Variants in GTF2I observed in about 807,000 individuals in gnomAD.
GTF2I encodes general transcription factor II-I.
A neutral mutation model predicts 67.6 loss-of-function variants in GTF2I; 12 were observed. The observed-to-expected ratio is 0.18, with a 90% CI of 0.11 to 0.29. GTF2I has a LOEUF of 0.29. Among genes scored for constraint, GTF2I ranks in the 10% least tolerant of loss-of-function variants. The pLI is 1.00. For missense variants in GTF2I, 271 were observed against 580.1 expected (o/e 0.47, Z 5.47); for synonymous variants, 149 against 197.0 (o/e 0.76, Z 2.04).
intron 8 of GTF2I, among the ~76,000 whole-genome samples, chr7:74,707,047 G>C (rs1214089522): frequency 6.6e-6 from 1 of 151,994 alleles, no homozygotes; most frequent in Non-Finnish European, 1.5e-5. Flanking sequence ...ACGGGGTTTC[G>C]CCAGGTTGGC....
rs374478363 is a variant in GTF2I, at chr7:74,717,748, AC to A, written c.880+799del. Among the ~76,000 whole-genome samples, 29 of 152,320 alleles carry A rather than the reference AC, an allele frequency of 1.9e-4. No individual in the cohort carries two copies. The East Asian group carries it at 2.9e-3, about 15-fold the overall frequency. On this transcript the variant is annotated intron_variant, in intron 11 of 34. Transcript: ENST00000573035. ...ACATTTTTATTTTAATTAAAAAAAA[AC>A]ATTTGTTTGATCTTTTACCTTCTTT...
At chr7:74,680,099 A>AAATAT in intron 1 of GTF2I, among the ~76,000 whole-genome samples, 3 of 94,982 alleles carry the variant, frequency 3.2e-5, no homozygotes, top group African/African-American at 1.2e-4. Flanking sequence ...AAAAAAAAAA[A>AAATAT]ATATATATAT....
intron 3 of GTF2I, among the ~76,000 whole-genome samples, chr7:74,692,577 A>G (rs587673948): frequency 1.1e-4 from 16 of 152,306 alleles, no homozygotes; most frequent in African/African-American, 3.8e-4. Context: ...GAAATTTACT[A>G]TAGGGTTTTA....
At chr7:74,697,054 A>G (rs1005665687) in intron 3 of GTF2I, among the ~76,000 whole-genome samples, 5 of 152,210 alleles carry the variant, frequency 3.3e-5, no homozygotes, top group Admixed American at 6.5e-5. Context: ...TTTTACTGGT[A>G]ATACTTTAAC....
intron 3 of GTF2I, among the ~76,000 whole-genome samples, chr7:74,693,105 G>A (rs1788500460): frequency 6.6e-6 from 1 of 151,830 alleles, no homozygotes; most frequent in South Asian, 2.1e-4. Flanking sequence ...AGACACTGCA[G>A]TTTTCACACA....
intron 3 of GTF2I, among the ~76,000 whole-genome samples, chr7:74,693,265 ATTTTTTTTTTT>A (rs1158949751): frequency 3.6e-5 from 3 of 83,020 alleles, no homozygotes; most frequent in African/African-American, 1.0e-4. Context: ...CTGTAGTGGA[ATTTTTTTTTTT>A]TTTTTTTTTT....
chr7:74,715,290 G>A (rs587733850), intron 10 of GTF2I, among the ~76,000 whole-genome samples: 20 of 152,136 alleles, frequency 1.3e-4, no homozygotes, highest in African/African-American at 4.6e-4. Flanking sequence ...TTCTGAAATA[G>A]CACTTGTTAA....
chr7:74,699,704 A>G (rs1789471083), intron 4 of GTF2I: 2 of 154,540 alleles, frequency 1.3e-5, no homozygotes, highest in African/African-American at 4.8e-5. Context: ...AAAACAGTCA[A>G]AGGAGGAGAT....
At chr7:74,730,455 GTGTC>G (rs1402737479) in intron 14 of GTF2I, among the ~76,000 whole-genome samples, 161 bp downstream of exon 14, 7 of 95,824 alleles carry the variant, frequency 7.3e-5, no homozygotes, top group Non-Finnish European at 1.4e-4. Context: ...GTCCTTAGTA[GTGTC>G]TGTCTAAATA....
At chr7:74,661,631 G>T (rs1158963370) in intron 1 of GTF2I, among the ~76,000 whole-genome samples, 1 of 151,924 alleles carries the variant, frequency 6.6e-6, no homozygotes, top group African/African-American at 2.4e-5. Context: ...AGTGAGATGA[G>T]ATCTCACCAC....
chr7:74,709,915 C>G (rs781842302), intron 8 of GTF2I, among the ~76,000 whole-genome samples: 7 of 152,112 alleles, frequency 4.6e-5, no homozygotes, highest in Non-Finnish European at 8.8e-5. Context: ...TCAGGTGATT[C>G]GCCCGCCTGG....
chr7:74,718,811 TA>T, intron 11 of GTF2I, 67 bp from the exon 12 acceptor site: 1 of 766,678 alleles, frequency 1.3e-6, no homozygotes, highest in South Asian at 1.8e-5. Flanking sequence ...ATCAAATCAG[TA>T]AAATGTTGGA....
chr7:74,725,256 T>C (rs1554405429), intron 12 of GTF2I, among the ~76,000 whole-genome samples: 1 of 152,014 alleles, frequency 6.6e-6, no homozygotes, highest in East Asian at 1.9e-4. Context: ...GCAGAAAAAA[T>C]TGAGGATGTG....
intron 1 of GTF2I, among the ~76,000 whole-genome samples, chr7:74,663,746 TA>T (rs1276293199): frequency 1.2e-4 from 19 of 152,314 alleles, no homozygotes; most frequent in African/African-American, 4.1e-4. Flanking sequence ...CTCGGTTAAC[TA>T]AAGTGTATTG....
intron 4 of GTF2I, 137 bp from the exon 5 acceptor site, chr7:74,700,110 C>A (rs1789531495): frequency 2.3e-6 from 2 of 856,248 alleles, no homozygotes; most frequent in Non-Finnish European, 3.6e-6. Context: ...AGATAGAATG[C>A]TGTAGTATTA....
chr7:74,663,385 A>G (rs6944395), intron 1 of GTF2I, among the ~76,000 whole-genome samples: 24,202 of 152,094 alleles, frequency 0.16, 3,416 homozygotes, highest in African/African-American at 0.38. Context: ...TCCCGGGCTC[A>G]AGCGATTCTT....
chr7:74,705,204 A>T lies in GTF2I; in HGVS notation c.627A>T (p.Leu209=). ...TAACAGATGCTGACAGGTCAATACT[A>T]TCTCCAGGTGGAAGGTAAAACCTAA... The part of the protein sequence containing the change: ...VMVTDADRSI[L]SPGGSCGPIK... The change falls in exon 7 of 35, where the codon CTA becomes CTT. Residue 209 remains leucine (L), a synonymous_variant. Transcript: ENST00000573035. The T allele has an allele frequency of 6.2e-7, 1 of 1,600,900 alleles. No homozygotes were observed. The highest frequency in any genetic ancestry group is 8.6e-7 in the Non-Finnish European group (1 of 1,168,628).
intron 1 of GTF2I, among the ~76,000 whole-genome samples, chr7:74,672,494 C>A (rs962020239): frequency 2.6e-5 from 4 of 151,962 alleles, no homozygotes; most frequent in African/African-American, 9.7e-5. Context: ...GAGCCAGGAT[C>A]GTGCCACTGT....
At chr7:74,664,307 G>A (rs1182135745) in intron 1 of GTF2I, among the ~76,000 whole-genome samples, 1 of 152,098 alleles carries the variant, frequency 6.6e-6, no homozygotes, top group Non-Finnish European at 1.5e-5. Flanking sequence ...TTCCATGCCT[G>A]TTTCTGGCAG....
Sources: allele counts gnomAD v4.1 joint callset (sites outside exome capture counted in the v4.1 genomes callset), GRCh38; gene constraint gnomAD v4.1.1; transcripts MANE v1.5; gene names NCBI Gene and HGNC (gene_info 2026-07-23, HGNC 2026-07-21).